MARCHF1: variants seen among roughly 807,000 people sequenced by gnomAD.
MARCHF1 encodes E3 ubiquitin-protein ligase MARCHF1.
In MARCHF1, 40 loss-of-function variants were observed where a neutral mutation model predicts 54.2. The observed-to-expected ratio is 0.74, with a 90% CI of 0.57 to 0.96. The LOEUF is 0.96. Ranked by LOEUF, MARCHF1 falls within the 40% of genes least tolerant of loss-of-function variation. MARCHF1 has a pLI of 0.00. For missense variants in MARCHF1, 586 were observed against 656.5 expected, an observed-to-expected ratio of 0.89 and a Z score of 1.17; for synonymous variants, 236 against 236.3, an observed-to-expected ratio of 1.00 and a Z score of 0.01.
chr4:163,545,961 G>GTGTGTA (rs1030166878), intron 8 of MARCHF1, among the ~76,000 whole-genome samples: 1 of 151,194 alleles, frequency 6.6e-6, no homozygotes, highest in South Asian at 2.1e-4. Context: ...GTGTGTGTGT[G>GTGTGTA]TGTGTGTGTG....
At chr4:164,220,983 T>G (rs890795671) in intron 1 of MARCHF1, among the ~76,000 whole-genome samples, 1 of 151,888 alleles carries the variant, frequency 6.6e-6, no homozygotes, top group Non-Finnish European at 1.5e-5. Context: ...ATCTTCATCC[T>G]AGTGAAGTCT....
intron 5 of MARCHF1, among the ~76,000 whole-genome samples, chr4:163,655,544 G>A (rs906024784): frequency 1.3e-5 from 2 of 151,694 alleles, no homozygotes; most frequent in Admixed American, 6.6e-5. Flanking sequence ...ACTCAGCCCT[G>A]GATCAAGTGG....
At chr4:164,297,114 G>C (rs1734432390) in intron 1 of MARCHF1, among the ~76,000 whole-genome samples, 1 of 152,194 alleles carries the variant, frequency 6.6e-6, no homozygotes, top group Non-Finnish European at 1.5e-5. Context: ...GTTTAGTACA[G>C]TGTATTGACT....
intron 5 of MARCHF1, among the ~76,000 whole-genome samples, chr4:163,640,552 A>G (rs138165100): frequency 4.3e-4 from 65 of 152,290 alleles, no homozygotes; most frequent in African/African-American, 1.5e-3. Context: ...TTTCACTACT[A>G]TGGACCATAG....
rs1354979089 is a variant in MARCHF1 at position 164,104,985 on chromosome 4, A to C, written c.-248+6603T>G. 9.5e-5 allele frequency among the ~76,000 whole-genome samples: 5 copies of C among 52,682 alleles called. 1 individual carries two copies. In the East Asian group the frequency reaches 1.2e-3, roughly 13 times the overall value. 34.6% of individuals were successfully genotyped at this position (52,682 alleles called of 152,430 possible). On this transcript the variant is annotated intron_variant, in intron 2 of 9. Coordinates refer to ENST00000514618, the MANE Select transcript of MARCHF1 (RefSeq NM_001394959.1). ...ATACACCAACAACAGACAAACAGAG[A>C]GCCAAATCATGAGTGAACTCCCATT... is the stretch of plus-strand genomic sequence containing the variant.
At chr4:163,987,825 G>A (rs1752899348) in intron 3 of MARCHF1, among the ~76,000 whole-genome samples, 1 of 152,178 alleles carries the variant, frequency 6.6e-6, no homozygotes, top group Admixed American at 6.5e-5. Flanking sequence ...CTTTCAAGCA[G>A]TTTAACTTAG....
intron 2 of MARCHF1, among the ~76,000 whole-genome samples, chr4:164,081,326 GA>G (rs1266793384): frequency 6.7e-6 from 1 of 148,836 alleles, no homozygotes; most frequent in Non-Finnish European, 1.5e-5. Flanking sequence ...TATGTCAGCA[GA>G]TCTTGTTCAT....
intron 5 of MARCHF1, among the ~76,000 whole-genome samples, chr4:163,682,070 G>A (rs1744122240): frequency 6.6e-6 from 1 of 152,184 alleles, no homozygotes. Flanking sequence ...AATCCAGGCT[G>A]AGCTGGTCTC....
intron 4 of MARCHF1, among the ~76,000 whole-genome samples, chr4:163,716,857 A>G (rs2111272477): frequency 6.6e-6 from 1 of 152,364 alleles, no homozygotes; most frequent in Non-Finnish European, 1.5e-5. Context: ...CAATAGGCAA[A>G]TTAGCAATCT....
chr4:163,771,687 A>C (rs1747165836), intron 4 of MARCHF1, among the ~76,000 whole-genome samples: 1 of 152,226 alleles, frequency 6.6e-6, no homozygotes, highest in Admixed American at 6.5e-5. Flanking sequence ...TTAGGAAGAC[A>C]CACACATTTA....
chr4:163,927,083 AT>A (rs1205460078), intron 3 of MARCHF1, among the ~76,000 whole-genome samples: 5 of 151,756 alleles, frequency 3.3e-5, no homozygotes, highest in Non-Finnish European at 5.9e-5. Flanking sequence ...AATATTTCAA[AT>A]CTCACAATTT....
intron 4 of MARCHF1, among the ~76,000 whole-genome samples, chr4:163,753,192 C>CAAATTT (rs754009508): frequency 3.2e-4 from 48 of 152,106 alleles, no homozygotes; most frequent in Middle Eastern, 6.8e-3. Flanking sequence ...TTAAAAATTT[C>CAAATTT]AAATTTAGCA....
intron 1 of MARCHF1, among the ~76,000 whole-genome samples, chr4:164,194,564 C>T (rs1460679896): frequency 1.3e-5 from 2 of 152,116 alleles, no homozygotes; most frequent in Non-Finnish European, 2.9e-5. Flanking sequence ...ACTTCTCACA[C>T]TCACAGCCTG....
At chr4:163,899,589 C>T (rs1750892686) in intron 3 of MARCHF1, among the ~76,000 whole-genome samples, 1 of 152,120 alleles carries the variant, frequency 6.6e-6, no homozygotes, top group Admixed American at 6.6e-5. Flanking sequence ...TCAACAGTCT[C>T]ATTGCTTTAA....
intron 1 of MARCHF1, among the ~76,000 whole-genome samples, chr4:164,292,126 T>C (rs1253404583): frequency 1.3e-5 from 2 of 152,156 alleles, no homozygotes; most frequent in African/African-American, 4.8e-5. Flanking sequence ...ACATTTGCTA[T>C]TTAAAACTTT....
chr4:164,054,424 G>A (rs888188394), intron 2 of MARCHF1, among the ~76,000 whole-genome samples: 1 of 151,568 alleles, frequency 6.6e-6, no homozygotes, highest in Non-Finnish European at 1.5e-5. Flanking sequence ...CCCATTACTG[G>A]GTATATACCC....
At chr4:164,143,856 C>T (rs1245056992) in intron 1 of MARCHF1, among the ~76,000 whole-genome samples, 1 of 152,106 alleles carries the variant, frequency 6.6e-6, no homozygotes, top group African/African-American at 2.4e-5. Flanking sequence ...CTAAATGCTC[C>T]AATTAAAAGA....
intron 9 of MARCHF1, among the ~76,000 whole-genome samples, chr4:163,532,459 A>G (rs1283400400): frequency 6.6e-6 from 1 of 151,886 alleles, no homozygotes; most frequent in Non-Finnish European, 1.5e-5. Flanking sequence ...AACTAAATGT[A>G]AACTGTGAAA....
At chr4:164,323,304 A>G (rs1015752008) in intron 1 of MARCHF1, among the ~76,000 whole-genome samples, 5 of 151,794 alleles carry the variant, frequency 3.3e-5, no homozygotes, top group Non-Finnish European at 5.9e-5. Flanking sequence ...TAAGCTATAT[A>G]AAAAGCATAT....
Sources: gnomAD v4.1 joint callset for allele counts (sites outside exome capture counted in the v4.1 genomes callset) on GRCh38, gnomAD v4.1.1 for gene constraint, MANE v1.5 for transcripts, NCBI Gene and HGNC (gene_info 2026-07-23, HGNC 2026-07-21) for gene names.